The following HELZ variants were observed in gnomAD, a reference collection of about 807,000 sequenced individuals.
HELZ encodes the protein helicase with zinc finger, also known as ATP-dependent RNA helicase with zinc finger domain.
In HELZ, 23 loss-of-function variants were observed where a neutral mutation model predicts 218.2. The ratio of observed to expected loss-of-function variants is 0.11; its 90% CI spans 0.08 to 0.15. HELZ has a LOEUF of 0.15. Ranked by LOEUF, HELZ falls within the 10% of genes least tolerant of loss-of-function variation. The probability of loss-of-function intolerance (pLI) is 1.00; values close to 1 mark genes in which losing one functional copy is unlikely to be tolerated. For missense variants in HELZ, 1,813 were observed against 2,353.7 expected (o/e 0.77, Z 4.75); for synonymous variants, 814 against 829.4 (o/e 0.98, Z 0.32).
intron 2 of HELZ, among the ~76,000 whole-genome samples, chr17:67,240,466 T>C (rs1357724096): frequency 2.0e-5 from 3 of 152,208 alleles, no homozygotes; most frequent in African/African-American, 7.2e-5. Context: ...TACAGGAGTT[T>C]TGCATAAAAG....
chr17:67,210,879 G>A lies in HELZ; in HGVS notation c.247+5020C>T, dbSNP rs149473516. ...AGAGGTTGCAGTGAGCTGTGATCACGCCACTGCATTCTAGCCCAGCAACAG... is the reference window on the plus strand; with the variant it reads ...AGAGGTTGCAGTGAGCTGTGATCACACCACTGCATTCTAGCCCAGCAACAG... On this transcript the variant is annotated intron_variant, in intron 5 of 32. Transcript: ENST00000358691. 2.0e-4 allele frequency among the ~76,000 whole-genome samples: 30 copies of A among 152,180 alleles called. 1 individual carries two copies. In the East Asian group the frequency reaches 5.2e-3, roughly 26 times the overall value.
Position 67,086,926 on chromosome 17 carries a change from T to C in HELZ, c.5397A>G (p.Ser1799=), listed in dbSNP as rs762891636. Residue 1799 remains serine, a synonymous_variant, in exon 32 of 33, where the codon TCA becomes TCG. Transcript: ENST00000358691. ...DHSNQSSFNF[S]SPESWVNTTS... is the part of the protein sequence containing the mutation. ...TGGTGTTTACCCAGGACTCCGGGGA[T>C]GAAAAGTTGAAAGAAGATTGGTTAC... 2.5e-6 allele frequency: 4 copies of C among 1,613,578 alleles called. No individual in the cohort carries two copies. Among genetic ancestry groups the C allele is most frequent in the South Asian group, 2.2e-5 (2 of 91,072 alleles).
chr17:67,179,090 C>T (rs2039537081), intron 12 of HELZ, among the ~76,000 whole-genome samples, 164 bp from the exon 13 acceptor site: 1 of 151,936 alleles, frequency 6.6e-6, no homozygotes, highest in East Asian at 1.9e-4. Flanking sequence ...ACTATTTCCC[C>T]CATATCAAAA....
chr17:67,182,707 G>T (rs940166670), intron 12 of HELZ, among the ~76,000 whole-genome samples: 1 of 152,144 alleles, frequency 6.6e-6, no homozygotes, highest in Non-Finnish European at 1.5e-5. Context: ...TTTTGAAGGG[G>T]TTCCGCTATC....
intron 19 of HELZ, among the ~76,000 whole-genome samples, chr17:67,149,086 C>T (rs992375212): frequency 4.6e-5 from 7 of 152,142 alleles, no homozygotes; most frequent in Admixed American, 6.5e-5. Context: ...AAATGATGAG[C>T]TGGTAGGACA....
intron 21 of HELZ, among the ~76,000 whole-genome samples, chr17:67,141,626 G>A (rs959522678): frequency 2.0e-5 from 3 of 151,808 alleles, no homozygotes; most frequent in Non-Finnish European, 2.9e-5. Flanking sequence ...TAGGAGTATA[G>A]TTTCTATAGC....
At chr17:67,192,452 C>G (rs1239427835) in intron 9 of HELZ, among the ~76,000 whole-genome samples, 1 of 152,098 alleles carries the variant, frequency 6.6e-6, no homozygotes, top group Non-Finnish European at 1.5e-5. Flanking sequence ...ATTAAATTCT[C>G]TTACACTTTT....
Position 67,148,701 on chromosome 17 carries a change from A to G in HELZ, c.2489T>C (p.Val830Ala). The part of the protein sequence containing the change: ...AGDHMQLSPF[V>A]YSEFARERNL... ...TCTCTCCCTGGCAAACTCGCTGTAAACAAAAGGACTGAGCTGTAACAGACA... is the reference window on the plus strand; with the variant it reads ...TCTCTCCCTGGCAAACTCGCTGTAAGCAAAAGGACTGAGCTGTAACAGACA... Residue 830 changes from valine (V) to alanine (A), a missense_variant, in exon 20 of 33, where the codon GTT (valine) becomes GCT (alanine). By Grantham distance (64) the Val-to-Ala change is moderately conservative (BLOSUM62 0). Around this residue, in one of 4 missense-constraint regions of HELZ, gnomAD observed 714 missense variants for 1,029.2 expected, o/e 0.69. Coordinates refer to ENST00000358691, the MANE Select transcript of HELZ (RefSeq NM_014877.4). 1 of 1,613,106 alleles carries G rather than the reference A, an allele frequency of 6.2e-7. No homozygotes were observed. The highest frequency in any genetic ancestry group is 8.5e-7 in the Non-Finnish European group (1 of 1,179,480).
At chr17:67,113,191 G>A (rs192585587) in intron 28 of HELZ, among the ~76,000 whole-genome samples, 283 of 152,202 alleles carry the variant, frequency 1.9e-3, no homozygotes, top group Non-Finnish European at 2.7e-3. Flanking sequence ...AGGGAAGAAC[G>A]AACAGCTGGA....
chr17:67,101,966 G>A (rs1232092414), intron 31 of HELZ, among the ~76,000 whole-genome samples: 1 of 152,118 alleles, frequency 6.6e-6, no homozygotes, highest in African/African-American at 2.4e-5. Flanking sequence ...GCCCTTTGTT[G>A]TCCTCCTCAT....
chr17:67,102,598 A>C (rs1472047109), intron 31 of HELZ, among the ~76,000 whole-genome samples: 1 of 152,204 alleles, frequency 6.6e-6, no homozygotes, highest in Non-Finnish European at 1.5e-5. Flanking sequence ...GTTAACGTTA[A>C]AGAAATTATT....
rs1395543804 is a variant in HELZ at position 67,157,402 on chromosome 17, T to C, written c.2177+2859A>G. Among the ~76,000 whole-genome samples, 3 of 152,222 alleles carry C rather than the reference T, an allele frequency of 2.0e-5. No individual in the cohort carries two copies. In the East Asian group the frequency reaches 5.8e-4, roughly 29 times the overall value. The stretch of plus-strand genomic sequence containing the variant: ...TTGAAGCTAGTAAGAATACAAAGCT[T>C]GATCGCTGAGCCAATTTTCTTGAAA... On this transcript the variant is annotated intron_variant, in intron 17 of 32. Coordinates refer to ENST00000358691, the MANE Select transcript of HELZ (RefSeq NM_014877.4).
chr17:67,089,668 TAGAGAGAGAGAGAGAG>T (rs1555595394), intron 31 of HELZ, among the ~76,000 whole-genome samples: 2 of 70,640 alleles, frequency 2.8e-5, no homozygotes, highest in African/African-American at 1.2e-4. Context: ...TATATATATA[TAGAGAGAGAGAGAGAG>T]AGAGAGAGAG....
intron 3 of HELZ, among the ~76,000 whole-genome samples, chr17:67,226,249 C>T (rs541793201): frequency 7.2e-6 from 1 of 138,382 alleles, no homozygotes; most frequent in African/African-American, 2.8e-5. Flanking sequence ...CAGGGTGAGA[C>T]TCCATCTCAA....
rs531461618 is a variant in HELZ at position 67,162,626 on chromosome 17, C to T, written c.1896-1550G>A. 4.6e-5 allele frequency among the ~76,000 whole-genome samples: 7 copies of T among 152,266 alleles called. No individual in the cohort carries two copies. The East Asian group carries it at 1.4e-3, about 29-fold the overall frequency. ...CTAGCCAGCTCTAATGCTCCATCTC[C>T]CAGCCTCCTTTGCTACAGACCCAAT... is the stretch of plus-strand genomic sequence containing the variant. On this transcript the variant is annotated intron_variant, in intron 15 of 32. Coordinates refer to ENST00000358691, the MANE Select transcript of HELZ (RefSeq NM_014877.4).
chr17:67,101,054 G>A (rs577347043), intron 31 of HELZ, among the ~76,000 whole-genome samples: 22 of 150,030 alleles, frequency 1.5e-4, no homozygotes, highest in Admixed American at 1.2e-3. Flanking sequence ...AGCTTGCAGT[G>A]AGCCCAGATA....
intron 24 of HELZ, among the ~76,000 whole-genome samples, chr17:67,125,092 A>T (rs1319572358): frequency 1.3e-5 from 2 of 151,292 alleles, no homozygotes; most frequent in Non-Finnish European, 2.9e-5. Flanking sequence ...TACCTATCTA[A>T]CTGTTGGAAA....
chr17:67,168,312 T>C (rs1259038086), intron 13 of HELZ, among the ~76,000 whole-genome samples: 3 of 152,118 alleles, frequency 2.0e-5, no homozygotes, highest in Non-Finnish European at 1.5e-5. Flanking sequence ...TAAACTCCCA[T>C]GTAAGTTACA....
At chr17:67,121,964 G>A (rs1382982695) in intron 26 of HELZ, among the ~76,000 whole-genome samples, 1 of 151,986 alleles carries the variant, frequency 6.6e-6, no homozygotes, top group East Asian at 1.9e-4. Flanking sequence ...TACAAAATGA[G>A]ACCAATTCAT....
Sources: allele counts gnomAD v4.1 joint callset (sites outside exome capture counted in the v4.1 genomes callset), GRCh38; gene constraint gnomAD v4.1.1; regional missense constraint gnomAD v4.1.1; transcripts MANE v1.5; gene names NCBI Gene and HGNC (gene_info 2026-07-23, HGNC 2026-07-21).